Variants in PPFIBP2 observed in about 807,000 individuals in gnomAD.
PPFIBP2 encodes the protein liprin-beta-2.
A neutral mutation model predicts 118.3 loss-of-function variants in PPFIBP2; 118 were observed. The ratio of observed to expected loss-of-function variants is 1.00; its 90% CI spans 0.86 to 1.16. The LOEUF (loss-of-function observed/expected upper bound fraction) is 1.16. PPFIBP2 is among the 50% of genes most tolerant of loss of function. The probability of loss-of-function intolerance (pLI) is 0.00; values close to 1 mark genes in which losing one functional copy is unlikely to be tolerated. For missense variants in PPFIBP2, 1,195 were observed against 1,073.1 expected (o/e 1.11, Z -1.59); for synonymous variants, 414 against 397.4 (o/e 1.04, Z -0.50).
chr11:7,600,326 G>A (rs905437297), intron 5 of PPFIBP2, among the ~76,000 whole-genome samples: 1 of 152,208 alleles, frequency 6.6e-6, no homozygotes, highest in Non-Finnish European at 1.5e-5. Context: ...ATGTTCGGCC[G>A]CACATGCTAT....
At chr11:7,575,461 T>C (rs1856182287) in intron 3 of PPFIBP2, among the ~76,000 whole-genome samples, 1 of 152,168 alleles carries the variant, frequency 6.6e-6, no homozygotes, top group African/African-American at 2.4e-5. Context: ...TCTCCTCTCT[T>C]GTACCAGAAC....
chr11:7,561,001 A>G (rs1472039162), intron 2 of PPFIBP2, among the ~76,000 whole-genome samples: 4 of 152,040 alleles, frequency 2.6e-5, no homozygotes, highest in African/African-American at 9.7e-5. Flanking sequence ...ACTTTTTCTT[A>G]TTGATAGATA....
At chr11:7,539,604 G>C (rs1370811217) in intron 1 of PPFIBP2, 3 of 152,410 alleles carry the variant, frequency 2.0e-5, no homozygotes, top group African/African-American at 4.8e-5. Context: ...CGGGGTCAGA[G>C]ATATGGCCCT....
At chr11:7,551,023 C>A (rs747917254) in intron 2 of PPFIBP2, among the ~76,000 whole-genome samples, 18 of 152,006 alleles carry the variant, frequency 1.2e-4, no homozygotes, top group Middle Eastern at 6.8e-3. Flanking sequence ...TAATAAACTC[C>A]CCTTTATATC....
At chr11:7,517,771 G>A (rs1849355959) in intron 1 of PPFIBP2, among the ~76,000 whole-genome samples, 2 of 152,176 alleles carry the variant, frequency 1.3e-5, no homozygotes, top group Non-Finnish European at 2.9e-5. Flanking sequence ...CCCTTGGCTC[G>A]GATGAAGTGA....
At chr11:7,613,003 G>A (rs1196048735) in intron 6 of PPFIBP2, among the ~76,000 whole-genome samples, 3 of 152,184 alleles carry the variant, frequency 2.0e-5, no homozygotes, top group Non-Finnish European at 4.4e-5. Flanking sequence ...AGGGAACGCT[G>A]CTTCCCATAC....
the PPFIBP2 span, among the ~76,000 whole-genome samples, chr11:7,662,477 C>G: frequency 2.0e-5 from 3 of 151,718 alleles, no homozygotes; most frequent in Non-Finnish European, 4.4e-5. Context: ...ATATTGGCCC[C>G]CACTCTCTTC....
At chr11:7,650,703 G>C in intron 21 of PPFIBP2, 137 bp from the exon 22 acceptor site, 5 of 807,020 alleles carry the variant, frequency 6.2e-6, no homozygotes, top group Non-Finnish European at 7.3e-6. Context: ...TGGCAGATGG[G>C]GTGGGTCACT....
intron 5 of PPFIBP2, among the ~76,000 whole-genome samples, chr11:7,606,706 T>C (rs1847381476): frequency 6.6e-6 from 1 of 152,224 alleles, no homozygotes; most frequent in East Asian, 1.9e-4. Context: ...AGTGAAAATA[T>C]TGTCTTCATC....
chr11:7,635,503 A>G (rs759479820), intron 13 of PPFIBP2, 49 bp from the exon 14 acceptor site: 2 of 1,550,114 alleles, frequency 1.3e-6, no homozygotes, highest in Non-Finnish European at 1.8e-6. Context: ...TGTGAATAAC[A>G]CAAGTCTCTT....
At chr11:7,609,419 C>A (rs967451652) in intron 5 of PPFIBP2, among the ~76,000 whole-genome samples, 7 of 152,184 alleles carry the variant, frequency 4.6e-5, no homozygotes, top group South Asian at 2.1e-4. Flanking sequence ...TAGGACATTG[C>A]CCTTTGCCAA....
At chr11:7,649,125 T>G in intron 19 of PPFIBP2, 22 bp from the exon 20 acceptor site, 1 of 1,602,096 alleles carries the variant, frequency 6.2e-7, no homozygotes, top group Non-Finnish European at 8.5e-7. Flanking sequence ...TCCTGACACA[T>G]CTGGGGTTTT....
chr11:7,642,108 C>A, intron 16 of PPFIBP2, 190 bp from the exon 17 acceptor site: 2 of 613,626 alleles, frequency 3.3e-6, no homozygotes, highest in Non-Finnish European at 5.3e-6. Flanking sequence ...GAGGCAGGAT[C>A]CGAATTGAGG....
At position 7,616,838 on chromosome 11, in the gene PPFIBP2, C is replaced by T. The variant is rs1848711202; in HGVS notation, c.619-4097C>T. Among the ~76,000 whole-genome samples, 1 of 151,830 alleles carries T rather than the reference C, an allele frequency of 6.6e-6. No individual in the cohort carries two copies. Among genetic ancestry groups the T allele is most frequent in the Admixed American group, 6.6e-5 (1 of 15,256 alleles). On this transcript the variant is annotated intron_variant, in intron 6 of 23. Transcript: ENST00000299492. This position sits in a 1 kb window ranked among gnomAD's most constrained non-coding sequence, Gnocchi z 5.2. ...TGGATGAAGAGTTTCTTCTAGACTC[C>T]ATGCCTCGGTGTTGACACAACAATA...
intron 3 of PPFIBP2, among the ~76,000 whole-genome samples, chr11:7,570,082 G>T (rs1447599908): frequency 6.6e-6 from 1 of 152,052 alleles, no homozygotes; most frequent in Admixed American, 6.5e-5. Context: ...CAGGATTTTG[G>T]CTGTGCCTTG....
At chr11:7,549,336 T>G in intron 1 of PPFIBP2, 104 bp from the exon 2 acceptor site, 1 of 1,056,660 alleles carries the variant, frequency 9.5e-7, no homozygotes, top group Non-Finnish European at 1.4e-6. Flanking sequence ...ATGATTCTTA[T>G]GAAAACACGT....
intron 7 of PPFIBP2, among the ~76,000 whole-genome samples, chr11:7,624,302 G>A (rs372296715): frequency 2.5e-4 from 38 of 152,186 alleles, no homozygotes; most frequent in African/African-American, 6.8e-4. Flanking sequence ...TACTACTCCC[G>A]TTTTCTCCCT....
chr11:7,635,617 G>A (rs375595308), intron 14 of PPFIBP2, 24 bp downstream of exon 14: 98 of 1,591,234 alleles, frequency 6.2e-5, no homozygotes, highest in South Asian at 1.5e-4. Context: ...GTGCCCCGTC[G>A]TCTATTTGTG....
intron 3 of PPFIBP2, among the ~76,000 whole-genome samples, chr11:7,573,064 G>A (rs1046519120): frequency 2.0e-5 from 3 of 152,228 alleles, no homozygotes; most frequent in Non-Finnish European, 2.9e-5. Context: ...ACAGGCATGA[G>A]CCACCATACC....
Sources: gnomAD v4.1 joint callset for allele counts (sites outside exome capture counted in the v4.1 genomes callset) on GRCh38, gnomAD v4.1.1 for gene constraint, Gnocchi (gnomAD v3.1) non-coding constraint, MANE v1.5 for transcripts, NCBI Gene and HGNC (gene_info 2026-07-23, HGNC 2026-07-21) for gene names.